The following C7 variants were observed in gnomAD, a reference collection of about 807,000 sequenced individuals.
C7 encodes the protein complement component C7.
Under a neutral mutation model 104.8 loss-of-function variants are expected in C7, and 83 were observed. The ratio of observed to expected loss-of-function variants is 0.79; its 90% confidence interval spans 0.66 to 0.95. The LOEUF is 0.95. C7 is among the 40% of genes least tolerant of loss of function. C7 has a pLI of 0.00. For missense variants in C7, 1,070 were observed against 1,011.2 expected (o/e 1.06, Z -0.79); for synonymous variants, 415 against 360.6 (o/e 1.15, Z -1.71).
intron 4 of C7, among the ~76,000 whole-genome samples, chr5:40,935,762 T>A (rs1048948168): frequency 3.9e-5 from 6 of 152,206 alleles, no homozygotes; most frequent in Admixed American, 2.6e-4. Flanking sequence ...CTTGGTACTC[T>A]AGATTTATGG....
In C7 at chr5:40,918,455, T is replaced by A. The variant is rs1261589884; in HGVS notation, c.6+8839T>A. Among the ~76,000 whole-genome samples, 3 of 152,094 alleles carry A rather than the reference T, an allele frequency of 2.0e-5. No individual in the cohort carries two copies. In the East Asian group the frequency reaches 5.8e-4, roughly 29 times the overall value. On this transcript the variant is annotated intron_variant, in intron 1 of 17. Transcript: ENST00000313164. ...TAGTAAGTCCTTATCTATCAATAAT[T>A]ACCTTGAATGTAAATGAATTAAGTT... is the stretch of plus-strand genomic sequence containing the variant.
chr5:40,940,958 G>A (rs1225362922), intron 6 of C7, among the ~76,000 whole-genome samples: 5 of 151,978 alleles, frequency 3.3e-5, no homozygotes, highest in Non-Finnish European at 5.9e-5. Context: ...TGTATATGCA[G>A]TGAATATCTC....
intron 1 of C7, among the ~76,000 whole-genome samples, chr5:40,927,866 A>C (rs1007293029): frequency 2.0e-5 from 3 of 152,170 alleles, no homozygotes; most frequent in African/African-American, 7.2e-5. Flanking sequence ...AAATTAGTAC[A>C]GCTCTTATAG....
chr5:40,964,276 C>G (rs1372085917), intron 13 of C7, among the ~76,000 whole-genome samples: 2 of 151,888 alleles, frequency 1.3e-5, no homozygotes, highest in Non-Finnish European at 2.9e-5. Context: ...CTCCTGATCT[C>G]AGGTGATCCA....
In C7 at chr5:40,937,641, G is replaced by C. The variant is rs754622338; in HGVS notation, c.518G>C (p.Gly173Ala). The C allele has an allele frequency of 1.9e-6, 3 of 1,610,016 alleles. No individual in the cohort carries two copies. The East Asian group carries it at 6.7e-5, about 36-fold the overall frequency. ...GQCRKVFSGD[G>A]KDFYRLSGNV... ...TGTAGAAAGGTGTTTAGTGGGGATG[G>C]AAAAGATTTCTACAGGCTGAGTGGA... is the stretch of plus-strand genomic sequence containing the variant. Residue 173 changes from glycine (G) to alanine (A), a missense_variant, in exon 6 of 18, where the codon GGA becomes GCA. By Grantham distance (60) the Gly-to-Ala change is moderately conservative. Transcript: ENST00000313164.
intron 1 of C7, among the ~76,000 whole-genome samples, chr5:40,919,126 C>CTT (rs35920628): frequency 1.4e-5 from 2 of 143,380 alleles, no homozygotes. Flanking sequence ...TATCAAGTAT[C>CTT]TTTTTTTTTT....
chr5:40,983,126 A>C lies in C7; in HGVS notation c.*1553A>C, dbSNP rs554974679. Among the ~76,000 whole-genome samples the C allele has an allele frequency of 6.6e-6, 1 of 152,340 alleles. No homozygotes were observed. Among genetic ancestry groups the C allele is most frequent in the South Asian group, 2.1e-4 (1 of 4,828 alleles). ...AGGTTTCAATTGGTTAAAAACAATG[A>C]CATTCAGACATTGCAACTGCATTTG... On this transcript the variant is annotated 3_prime_UTR_variant, in exon 18 of 18. Transcript: ENST00000313164.
chr5:40,949,848 A>G (rs895299643), intron 8 of C7, 56 bp from the exon 9 acceptor site: 1 of 1,071,964 alleles, frequency 9.3e-7, no homozygotes, highest in Non-Finnish European at 1.4e-6. Flanking sequence ...CTCATATCTG[A>G]AGATCTTCAA....
intron 6 of C7, among the ~76,000 whole-genome samples, chr5:40,941,007 G>A (rs1176594574): frequency 6.6e-6 from 1 of 151,734 alleles, no homozygotes; most frequent in Non-Finnish European, 1.5e-5. Context: ...CTATATGTGG[G>A]TGGGAGTGGG....
chr5:40,937,904 A>G (rs1438656468), intron 6 of C7, among the ~76,000 whole-genome samples: 1 of 152,150 alleles, frequency 6.6e-6, no homozygotes, highest in Non-Finnish European at 1.5e-5. Context: ...AAGCTGACAT[A>G]TCCTTATACC....
chr5:40,918,375 A>G (rs1442014059), intron 1 of C7, among the ~76,000 whole-genome samples: 1 of 152,070 alleles, frequency 6.6e-6, no homozygotes, highest in Non-Finnish European at 1.5e-5. Context: ...AGTATCTACA[A>G]TACCACAACA....
intron 4 of C7, among the ~76,000 whole-genome samples, chr5:40,934,927 A>G (rs915635385): frequency 1.3e-5 from 2 of 152,204 alleles, no homozygotes; most frequent in Non-Finnish European, 2.9e-5. Context: ...ATATTATTTG[A>G]CCAATACTCT....
chr5:40,972,613 T>A lies in C7; in HGVS notation c.2074+19T>A. On this transcript the variant is annotated intron_variant, in intron 15 of 17. Transcript: ENST00000313164. ...CAAAAAGGTGAGTGGCTTCCATGTCTATCCAAGGACACTTGTACCCAGGCA... is the reference window on the plus strand; with the variant it reads ...CAAAAAGGTGAGTGGCTTCCATGTCAATCCAAGGACACTTGTACCCAGGCA... The A allele has an allele frequency of 6.4e-7, 1 of 1,571,524 alleles. No homozygotes were observed.
chr5:40,959,692 T>G, intron 12 of C7, 72 bp downstream of exon 12: 1 of 1,183,004 alleles, frequency 8.5e-7, no homozygotes, highest in Non-Finnish European at 1.1e-6. Flanking sequence ...GAACACATGA[T>G]TGCTGCTGTC....
intron 6 of C7, among the ~76,000 whole-genome samples, chr5:40,944,766 A>T (rs541432105): frequency 6.6e-6 from 1 of 152,350 alleles, no homozygotes; most frequent in Non-Finnish European, 1.5e-5. Flanking sequence ...TGGATCACAT[A>T]GAACATTCCA....
chr5:40,914,581 G>GT (rs1296091994), intron 1 of C7, among the ~76,000 whole-genome samples: 1 of 152,132 alleles, frequency 6.6e-6, no homozygotes, highest in East Asian at 1.9e-4. Context: ...TTCTTCTAGT[G>GT]TTTTTATAGT....
intron 2 of C7, 143 bp from the exon 3 acceptor site, chr5:40,930,921 T>C: frequency 1.5e-6 from 1 of 663,694 alleles, no homozygotes; most frequent in East Asian, 2.7e-5. Flanking sequence ...TCCATTTTTA[T>C]ATATTTTAGG....
intron 16 of C7, among the ~76,000 whole-genome samples, chr5:40,977,836 T>G (rs772964198): frequency 3.3e-4 from 50 of 152,050 alleles, no homozygotes; most frequent in Non-Finnish European, 5.1e-4. Flanking sequence ...ATTTTTAAAA[T>G]TAAAAACCAA....
chr5:40,972,506 C>T lies in C7; in HGVS notation c.1986C>T (p.Gly662=), dbSNP rs201234241. 4.1e-5 allele frequency: 66 copies of T among 1,613,820 alleles called. No homozygotes were observed. The Middle Eastern group carries it at 4.9e-4, about 12-fold the overall frequency. ...AGGTGACTGTTTCCTGTTCAGGTGGCATGTCCTTAGAAGGTCCTTCAGCAT... is the reference window on the plus strand; with the variant it reads ...AGGTGACTGTTTCCTGTTCAGGTGGTATGTCCTTAGAAGGTCCTTCAGCAT... ...GEKVTVSCSG[G]MSLEGPSAFL... is the part of the protein sequence containing the mutation. Residue 662 remains glycine (G), a synonymous_variant, in exon 15 of 18, where the codon GGC becomes GGT. Coordinates refer to ENST00000313164, the MANE Select transcript of C7 (RefSeq NM_000587.4).
Sources: allele counts gnomAD v4.1 joint callset (sites outside exome capture counted in the v4.1 genomes callset), GRCh38; gene constraint gnomAD v4.1.1; transcripts MANE v1.5; gene names NCBI Gene and HGNC (gene_info 2026-07-23, HGNC 2026-07-21).